Variants in MYLK observed in about 807,000 individuals in gnomAD.
MYLK encodes myosin light chain kinase.
In MYLK, 106 loss-of-function variants were observed where a neutral mutation model predicts 203.4. The ratio of observed to expected loss-of-function variants is 0.52; its 90% CI spans 0.45 to 0.61. The LOEUF is 0.61. Among genes scored for constraint, MYLK ranks in the 20% least tolerant of loss-of-function variants. The pLI is 0.00. For synonymous variants in MYLK, 867 were observed against 959.5 expected, an observed-to-expected ratio of 0.90 and a Z score of 1.78; for missense variants, 2,072 against 2,442.3, an observed-to-expected ratio of 0.85 and a Z score of 3.20.
intron 3 of MYLK, chr3:123,799,903 C>T (rs1577014759): frequency 6.6e-6 from 1 of 152,490 alleles, no homozygotes. Context: ...TCACCACCAC[C>T]GTACTGCAGA....
At chr3:123,837,240 C>G (rs989242351) in intron 2 of MYLK, among the ~76,000 whole-genome samples, 1 of 152,006 alleles carries the variant, frequency 6.6e-6, no homozygotes, top group African/African-American at 2.4e-5. Flanking sequence ...CCATGTTGGT[C>G]AGGCTGGTCT....
At chr3:123,795,327 T>C (rs1436508998) in intron 3 of MYLK, among the ~76,000 whole-genome samples, 1 of 152,220 alleles carries the variant, frequency 6.6e-6, no homozygotes. Flanking sequence ...TTTGGATAGT[T>C]TCTAAATCTT....
At chr3:123,649,107 C>A in intron 25 of MYLK, 43 bp from the exon 26 acceptor site, 1 of 1,614,020 alleles carries the variant, frequency 6.2e-7, no homozygotes. Context: ...TCAGATGCCC[C>A]CACTCAGCCC....
chr3:123,826,253 C>T (rs1450271971), intron 3 of MYLK, among the ~76,000 whole-genome samples: 1 of 152,178 alleles, frequency 6.6e-6, no homozygotes, highest in African/African-American at 2.4e-5. Context: ...GCCCTGTGGG[C>T]CACCTCTGGC....
At chr3:123,822,782 G>C (rs1478085997) in intron 3 of MYLK, among the ~76,000 whole-genome samples, 3 of 152,190 alleles carry the variant, frequency 2.0e-5, no homozygotes, top group African/African-American at 7.2e-5. Flanking sequence ...GAAGGGACTA[G>C]TCCTGGACTT....
intron 6 of MYLK, 125 bp downstream of exon 6, chr3:123,739,828 A>T: frequency 1.9e-6 from 2 of 1,053,676 alleles, no homozygotes; most frequent in Non-Finnish European, 3.0e-6. Flanking sequence ...ATCTCATTGT[A>T]CTAGGCTCCC....
At chr3:123,833,828 A>G (rs2066407514) in intron 2 of MYLK, among the ~76,000 whole-genome samples, 1 of 152,126 alleles carries the variant, frequency 6.6e-6, no homozygotes, top group Non-Finnish European at 1.5e-5. Context: ...AAAAAAGGAA[A>G]CAGGAGAGGT....
intron 29 of MYLK, among the ~76,000 whole-genome samples, chr3:123,632,088 T>C (rs2058453292): frequency 1.3e-5 from 2 of 152,164 alleles, no homozygotes; most frequent in Non-Finnish European, 2.9e-5. Context: ...GTCAGGATGG[T>C]CTCGATCTCC....
At chr3:123,719,079 A>T (rs2062002438) in intron 13 of MYLK, among the ~76,000 whole-genome samples, 2 of 152,216 alleles carry the variant, frequency 1.3e-5, no homozygotes, top group Admixed American at 1.3e-4. Context: ...CAGAGAAAGC[A>T]TGAAGGGCTG....
intron 16 of MYLK, among the ~76,000 whole-genome samples, chr3:123,702,242 C>T (rs552606986): frequency 7.9e-5 from 12 of 152,264 alleles, no homozygotes; most frequent in African/African-American, 2.6e-4. Context: ...TCCCTCCAAC[C>T]CCATAAGGCT....
At chr3:123,701,584 C>G in intron 16 of MYLK, 75 bp from the exon 17 acceptor site, 1 of 1,483,586 alleles carries the variant, frequency 6.7e-7, no homozygotes, top group East Asian at 2.3e-5. Context: ...GACTTGATCA[C>G]AGGCTGCTGG....
chr3:123,669,607 G>A (rs1250878969), intron 20 of MYLK, among the ~76,000 whole-genome samples: 1 of 152,126 alleles, frequency 6.6e-6, no homozygotes, highest in Non-Finnish European at 1.5e-5. Flanking sequence ...TTTAGGTGTA[G>A]AGGGTATCCT....
chr3:123,760,470 G>A (rs1414030625), intron 4 of MYLK, among the ~76,000 whole-genome samples: 1 of 152,190 alleles, frequency 6.6e-6, no homozygotes, highest in Non-Finnish European at 1.5e-5. Context: ...GAGCCACCAC[G>A]CCTGGCTGAG....
chr3:123,616,266 A>G (rs1296171479), intron 33 of MYLK: 3 of 152,192 alleles, frequency 2.0e-5, no homozygotes, highest in Non-Finnish European at 4.4e-5. Flanking sequence ...GACAATTGGA[A>G]ATGGACCTCA....
intron 2 of MYLK, among the ~76,000 whole-genome samples, chr3:123,853,380 G>C (rs749813310): frequency 6.6e-6 from 1 of 152,092 alleles, no homozygotes; most frequent in Non-Finnish European, 1.5e-5. Flanking sequence ...GGAGAACCAA[G>C]ATACTAGAGA....
rs1040824556 is a variant in MYLK, at chr3:123,785,869, ATTTAAG to A, written c.165+7802_165+7807del. Among the ~76,000 whole-genome samples the A allele has an allele frequency of 3.3e-5, 5 of 152,222 alleles. No individual in the cohort carries two copies. The East Asian group carries it at 9.6e-4, about 29-fold the overall frequency. ...TTTTATTTAATTTAAATTCATGTTA[ATTTAAG>A]TTTAAGTAGCCACATGTGACTAGTG... On this transcript the variant is annotated intron_variant, in intron 4 of 33. Transcript: ENST00000360304.
At chr3:123,830,131 T>G (rs993865419) in intron 3 of MYLK, among the ~76,000 whole-genome samples, 2 of 152,242 alleles carry the variant, frequency 1.3e-5, no homozygotes, top group African/African-American at 4.8e-5. Context: ...GATGTGTCTT[T>G]AAAATAGAAG....
chr3:123,733,902 G>A lies in MYLK; in HGVS notation c.1094C>T (p.Ser365Leu). ...EPRAPGLGVLSPSGEERKRPA... is the reference protein window; with the variant it reads ...EPRAPGLGVLLPSGEERKRPA... ...CCTCTTCCTCTCTTCTCCAGAAGGT[G>A]ATAGGACCCCCAGGCCTGGTGCTCT... The change falls in exon 10 of 34, where the codon TCA becomes TTA. Residue 365 changes from serine to leucine, a missense_variant. Physicochemically the swap from Ser to Leu is moderately radical, Grantham distance 145. This residue lies in a region of MYLK where 683 missense variants were observed against 643.8 expected (regional missense o/e 1.06). Coordinates refer to ENST00000360304, the MANE Select transcript of MYLK (RefSeq NM_053025.4). 6.2e-7 allele frequency: 1 copy of A among 1,614,174 alleles called. No homozygotes were observed. Among genetic ancestry groups the A allele is most frequent in the Non-Finnish European group, 8.5e-7 (1 of 1,180,054 alleles).
chr3:123,721,016 A>C (rs1367935193), intron 13 of MYLK, among the ~76,000 whole-genome samples: 1 of 152,156 alleles, frequency 6.6e-6, no homozygotes, highest in African/African-American at 2.4e-5. Context: ...AGTTACATTC[A>C]ATTCCCGAGA....
Sources: allele counts gnomAD v4.1 joint callset (sites outside exome capture counted in the v4.1 genomes callset), GRCh38; gene constraint gnomAD v4.1.1; regional missense constraint gnomAD v4.1.1; transcripts MANE v1.5; gene names NCBI Gene and HGNC (gene_info 2026-07-23, HGNC 2026-07-21).